The following SLC26A1 variants were observed in gnomAD, a reference collection of about 807,000 sequenced individuals.
SLC26A1 encodes sulfate anion transporter 1.
In SLC26A1, 18 loss-of-function variants were observed where a neutral mutation model predicts 14.5. The observed-to-expected ratio is 1.24, with a 90% CI of 0.86 to 1.84. The LOEUF is 1.84. SLC26A1 is among the 40% of genes most tolerant of loss of function. The pLI is 0.00. For missense variants in SLC26A1, 1,049 were observed against 1,020.0 expected (o/e 1.03, Z -0.39); for synonymous variants, 505 against 492.0 (o/e 1.03, Z -0.35).
chr4:991,066 A>G, intron 2 of SLC26A1, 62 bp downstream of exon 2: 1 of 1,471,696 alleles, frequency 6.8e-7, no homozygotes, highest in Non-Finnish European at 9.1e-7. Flanking sequence ...GCCCTCGTGG[A>G]TGGCCAAAAC....
At chr4:992,436 G>T (rs1008624481) in intron 1 of SLC26A1, among the ~76,000 whole-genome samples, 2 of 152,232 alleles carry the variant, frequency 1.3e-5, no homozygotes, top group African/African-American at 4.8e-5. Context: ...GTCTGCTGGG[G>T]GAGCAGCACT....
intron 2 of SLC26A1, among the ~76,000 whole-genome samples, chr4:982,386 G>T (rs776531253): frequency 6.6e-6 from 1 of 152,230 alleles, no homozygotes; most frequent in Non-Finnish European, 1.5e-5. Flanking sequence ...AGTGTGGGAG[G>T]AGGTCACCTC....
At chr4:987,196 C>T (rs950667822), downstream of SLC26A1, 16 of 1,478,202 alleles carry the variant, frequency 1.1e-5, no homozygotes, top group Admixed American at 4.5e-5. Context: ...GGACGCGGCC[C>T]GCGCGCTGTG....
chr4:987,099 C>T (rs750154430), downstream of SLC26A1: 5 of 1,463,888 alleles, frequency 3.4e-6, no homozygotes, highest in South Asian at 5.2e-5. Context: ...GTCCCCTGCG[C>T]CCCCGCGCCG....
chr4:982,348 CCTGT>C (rs1713569868), intron 2 of SLC26A1, among the ~76,000 whole-genome samples: 1 of 152,228 alleles, frequency 6.6e-6, no homozygotes, highest in African/African-American at 2.4e-5. Flanking sequence ...GGCGGCTTCC[CCTGT>C]CCTCGGTGGC....
chr4:987,210 C>T, downstream of SLC26A1: 1 of 1,492,372 alleles, frequency 6.7e-7, no homozygotes, highest in Non-Finnish European at 8.9e-7. Context: ...CGCTGTGGCC[C>T]CTGCGGCGCT....
chr4:988,984 G>A lies in SLC26A1; in HGVS notation c.1955C>T (p.Pro652Leu). 1 of 1,594,864 alleles carries A rather than the reference G, an allele frequency of 6.3e-7. No individual in the cohort carries two copies. Among genetic ancestry groups the A allele is most frequent in the Non-Finnish European group, 8.5e-7 (1 of 1,171,392 alleles). ...ISLLLACCSP[P>L]VRDILSRGGF... ...TCCTCTGCTCAGAATGTCTCTCACAGGCGGGCTGCAGCAGGCTAGCAGCAG... is the reference window on the plus strand; with the variant it reads ...TCCTCTGCTCAGAATGTCTCTCACAAGCGGGCTGCAGCAGGCTAGCAGCAG... Residue 652 changes from proline (P) to leucine (L), a missense_variant, in exon 3 of 3, where the codon CCT becomes CTT. Coordinates refer to ENST00000398516, the MANE Select transcript of SLC26A1 (RefSeq NM_022042.4).
chr4:987,644 G>C (rs894783325), downstream of SLC26A1: 3 of 1,452,462 alleles, frequency 2.1e-6, no homozygotes, highest in Non-Finnish European at 2.7e-6. Flanking sequence ...CATGAAGATG[G>C]GACCTCCCCA....
At chr4:983,096 C>T (rs889398765), downstream of SLC26A1, among the ~76,000 whole-genome samples, 1 of 152,258 alleles carries the variant, frequency 6.6e-6, no homozygotes, top group Non-Finnish European at 1.5e-5. Flanking sequence ...GCACCTGTGC[C>T]ACTCTTGCTG....
Position 991,674 on chromosome 4 carries a change from C to T in SLC26A1, c.30G>A (p.Gln10=). Reference sequence around the variant, plus strand: ...GTCGGACCGGCACCGGCCCTCTGCCCTGCTGCAGAGGCTCAGGGGACTCGT... The same window carrying T: ...GTCGGACCGGCACCGGCCCTCTGCCTTGCTGCAGAGGCTCAGGGGACTCGT... MDESPEPLQ[Q]GRGPVPVRRQ... The change falls in exon 2 of 3, where the codon CAG becomes CAA. Residue 10 remains glutamine, a synonymous_variant. Coordinates refer to ENST00000398516, the MANE Select transcript of SLC26A1 (RefSeq NM_022042.4). 5 of 1,535,808 alleles carry T rather than the reference C, an allele frequency of 3.3e-6. No individual in the cohort carries two copies. Among genetic ancestry groups the T allele is most frequent in the Non-Finnish European group, 2.6e-6 (3 of 1,147,488 alleles).
chr4:990,309 T>A lies in SLC26A1; in HGVS notation c.630A>T (p.Pro210=), dbSNP rs757672514. The part of the protein sequence containing the change: ...LGFVSAYLSQ[P]LLDGFAMGAS... ...CCCCCATGGCAAAGCCATCGAGCAG[T>A]GGCTGTGAGAGGTAGGCGGACACGA... Residue 210 remains proline (P), a synonymous_variant, in exon 3 of 3, where the codon CCA becomes CCT. Transcript: ENST00000398516. The A allele has an allele frequency of 3.1e-6, 5 of 1,605,050 alleles. No individual in the cohort carries two copies. In the South Asian group the frequency reaches 5.6e-5, roughly 18 times the overall value.
In SLC26A1 at chr4:989,341, G is replaced by T. The variant is rs776990495; in HGVS notation, c.1598C>A (p.Pro533His). The change falls in exon 3 of 3, where the codon CCT becomes CAT. Residue 533 changes from proline (P) to histidine (H), a missense_variant. Physicochemically the swap from Pro to His is moderately conservative, Grantham distance 77 (BLOSUM62 -2). Transcript: ENST00000398516. Reference protein sequence around the residue: ...EDATEFEGLVPEPGVRVFRFG... With the variant: ...EDATEFEGLVHEPGVRVFRFG... ...GCGGAACACCCGCACGCCGGGCTCA[G>T]GGACGAGGCCCTCGAACTCTGTGGC... The T allele has an allele frequency of 1.9e-6, 3 of 1,604,102 alleles. No individual in the cohort carries two copies. In the African/African-American group the frequency reaches 4.0e-5, roughly 21 times the overall value.
chr4:980,854 G>A (rs770525688), intron 2 of SLC26A1, among the ~76,000 whole-genome samples: 49 of 152,138 alleles, frequency 3.2e-4, no homozygotes, highest in Admixed American at 5.9e-4. Flanking sequence ...AAGGATGGGG[G>A]TCGGGAGAAA....
chr4:987,120 G>T, downstream of SLC26A1: 1 of 1,438,810 alleles, frequency 7.0e-7, no homozygotes. Context: ...CGCTGCTGGC[G>T]CTCCTGGCCT....
At chr4:990,617 C>T (rs1714213876) in intron 2 of SLC26A1, 1 of 531,104 alleles carries the variant, frequency 1.9e-6, no homozygotes, top group South Asian at 2.6e-5. Flanking sequence ...ACGTCTAACC[C>T]TTGTCACGTG....
chr4:982,473 C>T (rs1487588575), intron 2 of SLC26A1, among the ~76,000 whole-genome samples: 5 of 152,216 alleles, frequency 3.3e-5, no homozygotes, highest in Admixed American at 1.3e-4. Flanking sequence ...CGTGAGGGTA[C>T]GGTGCTGCTG....
In SLC26A1 at chr4:987,776, C is replaced by T. The variant is rs373759069; in HGVS notation, c.*1057G>A. 7.4e-6 allele frequency: 12 copies of T among 1,611,168 alleles called. No individual in the cohort carries two copies. The African/African-American group carries it at 1.5e-4, about 20-fold the overall frequency. ...AGCCGCGCTGCCAGCCATGCTGAGG[C>T]TCGGGACTGAGCCGCCCCTTTGTTG... On this transcript the variant is annotated 3_prime_UTR_variant, in exon 3 of 3. Transcript: ENST00000398516.
chr4:990,334 A>G lies in SLC26A1; in HGVS notation c.605T>C (p.Phe202Ser). 1 of 1,603,650 alleles carries G rather than the reference A, an allele frequency of 6.2e-7. No homozygotes were observed. Among genetic ancestry groups the G allele is most frequent in the Non-Finnish European group, 8.5e-7 (1 of 1,176,526 alleles). The change falls in exon 3 of 3, where the codon TTC becomes TCC. Residue 202 changes from phenylalanine (F) to serine (S), a missense_variant. Coordinates refer to ENST00000398516, the MANE Select transcript of SLC26A1 (RefSeq NM_022042.4). Reference sequence around the variant, plus strand: ...TGGCTGTGAGAGGTAGGCGGACACGAAGCCCAGCCGGAGGACGCCCATGAG... The same window carrying G: ...TGGCTGTGAGAGGTAGGCGGACACGGAGCCCAGCCGGAGGACGCCCATGAG... ...QVLMGVLRLG[F>S]VSAYLSQPLL...
intron 2 of SLC26A1, 189 bp from the exon 3 acceptor site, chr4:990,551 G>A (rs777005913): frequency 1.5e-5 from 9 of 610,046 alleles, no homozygotes; most frequent in South Asian, 2.0e-5. Context: ...GCTCATGCCC[G>A]CAGACAACTG....
Sources: gnomAD v4.1 joint callset for allele counts (sites outside exome capture counted in the v4.1 genomes callset) on GRCh38, gnomAD v4.1.1 for gene constraint, MANE v1.5 for transcripts, NCBI Gene and HGNC (gene_info 2026-07-23, HGNC 2026-07-21) for gene names.